The following GLRA1 variants were observed in gnomAD, a reference collection of about 807,000 sequenced individuals.
GLRA1 encodes glycine receptor alpha 1.
Under a neutral mutation model 48.3 loss-of-function variants are expected in GLRA1, and 37 were observed. The observed-to-expected ratio is 0.77, with a 90% CI of 0.59 to 1.01. The LOEUF is 1.01. GLRA1 is among the 50% of genes least tolerant of loss of function. The pLI is 0.00. For missense variants in GLRA1, 427 were observed against 571.0 expected (o/e 0.75, Z 2.57); for synonymous variants, 196 against 210.7 (o/e 0.93, Z 0.60).
chr5:151,840,037 T>A (rs1390507947), intron 7 of GLRA1, among the ~76,000 whole-genome samples: 4 of 151,068 alleles, frequency 2.6e-5, no homozygotes, highest in Non-Finnish European at 4.4e-5. Flanking sequence ...ATGAAAAAAA[T>A]AACTGGAAAA....
chr5:151,922,206 GAAGGGT>G (rs537889629), intron 1 of GLRA1, among the ~76,000 whole-genome samples: 267 of 152,308 alleles, frequency 1.8e-3, no homozygotes, highest in Non-Finnish European at 3.3e-3. Context: ...CCCTGGGGAA[GAAGGGT>G]TTATTCACAT....
chr5:151,863,311 A>C (rs982502791), intron 3 of GLRA1, among the ~76,000 whole-genome samples: 1 of 152,000 alleles, frequency 6.6e-6, no homozygotes, highest in African/African-American at 2.4e-5. Flanking sequence ...AGTCCCAGCT[A>C]CTCAGGAGGC....
At chr5:151,898,738 T>A (rs1487822543) in intron 1 of GLRA1, among the ~76,000 whole-genome samples, 1 of 151,350 alleles carries the variant, frequency 6.6e-6, no homozygotes, top group Non-Finnish European at 1.5e-5. Flanking sequence ...AGGTGGGAGG[T>A]GAAAGAGGAA....
intron 3 of GLRA1, 68 bp from the exon 4 acceptor site, chr5:151,860,076 G>C: frequency 5.7e-6 from 7 of 1,233,514 alleles, no homozygotes; most frequent in Non-Finnish European, 6.0e-6. Flanking sequence ...GGAGGACCTG[G>C]GTGCTTTTGG....
At chr5:151,864,674 C>G (rs936603965) in intron 3 of GLRA1, among the ~76,000 whole-genome samples, 1 of 152,190 alleles carries the variant, frequency 6.6e-6, no homozygotes, top group East Asian at 1.9e-4. Flanking sequence ...CTTCCCTGAC[C>G]TCTTCCTTTT....
intron 3 of GLRA1, among the ~76,000 whole-genome samples, chr5:151,881,301 G>A (rs1461085570): frequency 2.7e-5 from 4 of 147,168 alleles, no homozygotes; most frequent in East Asian, 4.1e-4. Context: ...TCCTTTGTAC[G>A]TTTCTTTCTT....
intron 1 of GLRA1, among the ~76,000 whole-genome samples, chr5:151,913,614 A>G (rs1208140890): frequency 6.6e-6 from 1 of 152,092 alleles, no homozygotes; most frequent in African/African-American, 2.4e-5. Context: ...CTGACAAGAT[A>G]TTCCTGAGTG....
chr5:151,883,380 T>G (rs997602729), intron 3 of GLRA1, among the ~76,000 whole-genome samples: 30 of 152,170 alleles, frequency 2.0e-4, no homozygotes, highest in African/African-American at 7.2e-4. Context: ...GTCCTCCAAT[T>G]TTTTTAGTCT....
chr5:151,923,340 T>A (rs1010473727), intron 1 of GLRA1, among the ~76,000 whole-genome samples: 1 of 152,166 alleles, frequency 6.6e-6, no homozygotes, highest in Non-Finnish European at 1.5e-5. Flanking sequence ...AAAACAAAAA[T>A]TATTTGCTGT....
chr5:151,868,307 A>G (rs1753388279), intron 3 of GLRA1, among the ~76,000 whole-genome samples: 3 of 152,222 alleles, frequency 2.0e-5, no homozygotes, highest in Admixed American at 2.0e-4. Context: ...TTACTGGTAA[A>G]TTCAGAATTA....
chr5:151,850,196 CA>C, intron 7 of GLRA1: 1 of 1,603,634 alleles, frequency 6.2e-7, no homozygotes, highest in Admixed American at 1.7e-5. Flanking sequence ...ATGGCAGGGA[CA>C]TCGTGGAGGC....
At chr5:151,892,483 C>T in intron 1 of GLRA1, 45 bp from the exon 2 acceptor site, 1 of 1,609,052 alleles carries the variant, frequency 6.2e-7, no homozygotes, top group Non-Finnish European at 8.5e-7. Context: ...ATGGCTCTTT[C>T]TCATGCTGTG....
chr5:151,901,292 C>T (rs961641417), intron 1 of GLRA1, among the ~76,000 whole-genome samples: 5 of 152,140 alleles, frequency 3.3e-5, no homozygotes, highest in Non-Finnish European at 5.9e-5. Context: ...AAAATTTTCC[C>T]ATGCCTCTGA....
intron 1 of GLRA1, among the ~76,000 whole-genome samples, chr5:151,906,568 A>C (rs988364773): frequency 6.6e-6 from 1 of 152,244 alleles, no homozygotes; most frequent in Admixed American, 6.5e-5. Flanking sequence ...GAGAAGTCTT[A>C]GGCAGAAGGG....
chr5:151,862,917 T>C (rs965730889), intron 3 of GLRA1, among the ~76,000 whole-genome samples: 1 of 152,066 alleles, frequency 6.6e-6, no homozygotes, highest in African/African-American at 2.4e-5. Flanking sequence ...ACTCTGAAAA[T>C]GTAGGGCCAG....
intron 7 of GLRA1, chr5:151,850,774 C>A (rs549985632): frequency 2.5e-4 from 245 of 974,080 alleles, no homozygotes; most frequent in Non-Finnish European, 3.7e-4. Context: ...CGGCAATGAG[C>A]CCTTCCAGTA....
At chr5:151,859,712 G>A (rs1190968944) in intron 4 of GLRA1, 73 bp downstream of exon 4, 14 of 1,123,458 alleles carry the variant, frequency 1.2e-5, no homozygotes, top group South Asian at 6.3e-5. Context: ...CCCTCTTTTA[G>A]AGTCTATGCC....
chr5:151,847,409 A>G (rs540601147), intron 7 of GLRA1, among the ~76,000 whole-genome samples: 1 of 151,662 alleles, frequency 6.6e-6, no homozygotes, highest in Non-Finnish European at 1.5e-5. Context: ...TATGGTGTCT[A>G]GCATTAACCG....
chr5:151,849,153 T>TTTCTTTC (rs375546011), intron 7 of GLRA1: 1,058 of 75,928 alleles, frequency 0.014, 12 homozygotes, highest in African/African-American at 0.036. Flanking sequence ...TCTTTCTTTC[T>TTTCTTTC]TTTCTTTTCT....
Sources: gnomAD v4.1 joint callset for allele counts (sites outside exome capture counted in the v4.1 genomes callset) on GRCh38, gnomAD v4.1.1 for gene constraint, MANE v1.5 for transcripts, NCBI Gene and HGNC (gene_info 2026-07-23, HGNC 2026-07-21) for gene names.